The following SETDB2 variants were observed in gnomAD, a reference collection of about 807,000 sequenced individuals.
The protein encoded by SETDB2 is SET domain bifurcated histone lysine methyltransferase 2, also known as histone-lysine N-methyltransferase SETDB2.
Under a neutral mutation model 82.5 loss-of-function variants are expected in SETDB2, and 56 were observed. That is an observed-to-expected ratio of 0.68 (90% CI 0.55 to 0.85). The LOEUF (loss-of-function observed/expected upper bound fraction) is 0.85. Ranked by LOEUF, SETDB2 falls within the 40% of genes least tolerant of loss-of-function variation. The pLI, the probability that SETDB2 is intolerant of heterozygous loss-of-function variation, is 0.00. For synonymous variants in SETDB2, 272 were observed against 284.9 expected (o/e 0.95, Z 0.46); for missense variants, 677 against 816.4 (o/e 0.83, Z 2.08).
chr13:49,465,988 T>A (rs569188087), intron 4 of SETDB2, among the ~76,000 whole-genome samples: 1 of 152,300 alleles, frequency 6.6e-6, no homozygotes, highest in South Asian at 2.1e-4. Flanking sequence ...TTGAACAGGA[T>A]TACAGCATTT....
rs948925735 is a variant in SETDB2 at position 49,491,485 on chromosome 13, C to T, written c.2007-247C>T. ...CAGGCCTCAACACATGACTGGGTCC[C>T]ACTGTTGGCAAAATACACTTCTTCC... On this transcript the variant is annotated intron_variant, in intron 13 of 13. Transcript: ENST00000611815. Among the ~76,000 whole-genome samples the T allele has an allele frequency of 3.3e-5, 5 of 152,194 alleles. No individual in the cohort carries two copies. The East Asian group carries it at 9.6e-4, about 29-fold the overall frequency.
At chr13:49,449,000 C>G (rs79754229) in intron 1 of SETDB2, among the ~76,000 whole-genome samples, 1 of 152,144 alleles carries the variant, frequency 6.6e-6, no homozygotes, top group Non-Finnish European at 1.5e-5. Context: ...ATATTCAACT[C>G]TTATTTGATA....
In SETDB2 at chr13:49,480,174, C is replaced by A. The variant is rs762852860; in HGVS notation, c.870-45C>A. The A allele has an allele frequency of 4.7e-6, 6 of 1,279,108 alleles. No homozygotes were observed. In the South Asian group the frequency reaches 6.6e-5, roughly 14 times the overall value. The allele number at this position is 1,279,108 out of a possible 1,614,324, so 79.2% of individuals were successfully genotyped here. A position where few individuals can be genotyped will look rare whatever the true frequency, so the allele number is the denominator to read the frequency against. On this transcript the variant is annotated intron_variant, in intron 6 of 13. Transcript: ENST00000611815. ...TTATCAAGACAGTCTCTTGACTTGA[C>A]TTGCTGCTTTTTCATTCTTTCTCCA...
At chr13:49,459,347 C>T (rs141815062) in intron 2 of SETDB2, among the ~76,000 whole-genome samples, 251 of 152,312 alleles carry the variant, frequency 1.6e-3, no homozygotes, top group African/African-American at 5.8e-3. Context: ...CTCCCTGTGC[C>T]TACTCCAGTG....
intron 12 of SETDB2, 95 bp from the exon 13 acceptor site, chr13:49,490,727 T>C: frequency 1.3e-6 from 1 of 793,280 alleles, no homozygotes; most frequent in Non-Finnish European, 2.0e-6. Flanking sequence ...AAAATCAGTG[T>C]GATATATTAA....
chr13:49,465,733 C>T (rs891598244), intron 4 of SETDB2, among the ~76,000 whole-genome samples: 4 of 152,132 alleles, frequency 2.6e-5, no homozygotes, highest in Non-Finnish European at 5.9e-5. Context: ...GACAGGGTTT[C>T]ACTATGTTGG....
At chr13:49,458,787 T>A (rs1182300909) in intron 2 of SETDB2, among the ~76,000 whole-genome samples, 1 of 152,244 alleles carries the variant, frequency 6.6e-6, no homozygotes, top group Non-Finnish European at 1.5e-5. Context: ...ATGAATAGCA[T>A]TATTGTCCAT....
Position 49,488,621 on chromosome 13 carries a change from C to T in SETDB2, c.1908C>T (p.Arg636=). Residue 636 remains arginine, a synonymous_variant, in exon 12 of 14, where the codon CGC becomes CGT. Coordinates refer to ENST00000611815, the MANE Select transcript of SETDB2 (RefSeq NM_001160308.3). ...CCACAAAAGAAGGAAATGTCGGCCG[C>T]TTCCTTAATGTGAGTATAAGGGCTG... ...LDATKEGNVG[R]FLNHSCCPNL... 8 of 1,592,196 alleles carry T rather than the reference C, an allele frequency of 5.0e-6. No homozygotes were observed. Among genetic ancestry groups the T allele is most frequent in the Non-Finnish European group, 6.8e-6 (8 of 1,170,224 alleles).
chr13:49,451,667 CT>C lies in SETDB2; in HGVS notation c.-223del, dbSNP rs1957789060. On this transcript the variant is annotated 5_prime_UTR_variant, in exon 2 of 14. The change abolishes the stop of an existing upstream ORF in the 5' untranslated region. Coordinates refer to ENST00000611815, the MANE Select transcript of SETDB2 (RefSeq NM_001160308.3). Reference sequence around the variant, plus strand: ...TACGTGAGAAGATTCATGGACTTGTCTTTTGGTTGGACTGTCACTCATTTCT... The same window carrying C: ...TACGTGAGAAGATTCATGGACTTGTCTTTGGTTGGACTGTCACTCATTTCT... 4 of 371,564 alleles carry C rather than the reference CT, an allele frequency of 1.1e-5. No homozygotes were observed. The South Asian group carries it at 2.3e-4, about 21-fold the overall frequency. 23.0% of individuals were successfully genotyped at this position (371,564 alleles called of 1,614,324 possible).
intron 5 of SETDB2, among the ~76,000 whole-genome samples, chr13:49,473,909 A>G (rs1405180195): frequency 6.6e-6 from 1 of 152,226 alleles, no homozygotes. Flanking sequence ...ACACCTAATA[A>G]TAGGGAACAA....
At chr13:49,474,173 A>T (rs1197994378) in intron 5 of SETDB2, among the ~76,000 whole-genome samples, 1 of 152,212 alleles carries the variant, frequency 6.6e-6, no homozygotes, top group Non-Finnish European at 1.5e-5. Context: ...AAGGCACAAG[A>T]ATTGCTTGAA....
chr13:49,470,110 T>G (rs1363773612), intron 5 of SETDB2, among the ~76,000 whole-genome samples: 1 of 152,234 alleles, frequency 6.6e-6, no homozygotes, highest in Non-Finnish European at 1.5e-5. Flanking sequence ...ATGTATACTT[T>G]TAAAAATCCG....
chr13:49,466,089 A>G (rs944712478), intron 4 of SETDB2, among the ~76,000 whole-genome samples: 7 of 152,220 alleles, frequency 4.6e-5, no homozygotes, highest in African/African-American at 1.7e-4. Context: ...AACAGGTAAC[A>G]GTCACAAGGG....
intron 11 of SETDB2, among the ~76,000 whole-genome samples, chr13:49,487,942 C>G (rs546469540): frequency 8.6e-5 from 13 of 151,998 alleles, no homozygotes; most frequent in African/African-American, 3.1e-4. Flanking sequence ...AGTGCAGATT[C>G]CAGAATTAAA....
chr13:49,448,466 G>A (rs1439046517), intron 1 of SETDB2, among the ~76,000 whole-genome samples: 1 of 152,070 alleles, frequency 6.6e-6, no homozygotes, highest in Non-Finnish European at 1.5e-5. Context: ...AAATCCTTCA[G>A]GCTTTGAAAT....
chr13:49,490,566 A>G (rs762705088), intron 12 of SETDB2, among the ~76,000 whole-genome samples: 6 of 152,210 alleles, frequency 3.9e-5, no homozygotes, highest in Non-Finnish European at 8.8e-5. Flanking sequence ...TGCATTTATA[A>G]TAATGATAAA....
rs191962464 is a variant in SETDB2 at position 49,471,276 on chromosome 13, C to T, written c.305+3316C>T. ...ACAGGCATGAGCCACCACACCCAGC[C>T]AGTATTCTATTCTTGAGTTGAACTG... On this transcript the variant is annotated intron_variant, in intron 5 of 13. Transcript: ENST00000611815. 1.5e-3 allele frequency among the ~76,000 whole-genome samples: 234 copies of T among 152,014 alleles called. 1 individual carries two copies. The highest frequency in any genetic ancestry group is 5.5e-3 in the African/African-American group (227 of 41,464).
At chr13:49,447,554 C>G (rs904671971) in intron 1 of SETDB2, among the ~76,000 whole-genome samples, 1 of 152,030 alleles carries the variant, frequency 6.6e-6, no homozygotes, top group Non-Finnish European at 1.5e-5. Flanking sequence ...AGAAAGTTCT[C>G]TTTTTTCCTA....
At chr13:49,462,789 A>C (rs1958022653) in intron 4 of SETDB2, among the ~76,000 whole-genome samples, 1 of 152,178 alleles carries the variant, frequency 6.6e-6, no homozygotes. Flanking sequence ...ATTTTAAGTA[A>C]ACCATTTGGT....
Sources: gnomAD v4.1 joint callset for allele counts (sites outside exome capture counted in the v4.1 genomes callset) on GRCh38, gnomAD v4.1.1 for gene constraint, MANE v1.5 for transcripts, NCBI Gene and HGNC (gene_info 2026-07-23, HGNC 2026-07-21) for gene names.